The following PEBP4 variants were observed in gnomAD, a reference collection of about 807,000 sequenced individuals.
PEBP4 encodes the protein phosphatidylethanolamine binding protein 4, also known as phosphatidylethanolamine-binding protein 4.
PEBP4 carries 22 observed loss-of-function variants against 23.9 expected under a neutral mutation model. That is an observed-to-expected ratio of 0.92 (90% CI 0.66 to 1.31). The LOEUF (loss-of-function observed/expected upper bound fraction) is 1.31, where lower values mean the gene tolerates loss of function less well. Among genes scored for constraint, PEBP4 ranks in the 40% most tolerant of loss-of-function variants. PEBP4 has a pLI of 0.00. For missense variants in PEBP4, 324 were observed against 281.7 expected (o/e 1.15, Z -1.07); for synonymous variants, 112 against 99.3 (o/e 1.13, Z -0.76).
chr8:22,916,346 C>G (rs1368162934), intron 3 of PEBP4, among the ~76,000 whole-genome samples: 2 of 152,146 alleles, frequency 1.3e-5, no homozygotes, highest in Non-Finnish European at 2.9e-5. Flanking sequence ...TGTCAGAGCG[C>G]CAGGGGAGAA....
chr8:22,803,624 AC>A (rs1463432091), intron 4 of PEBP4, among the ~76,000 whole-genome samples: 1 of 152,156 alleles, frequency 6.6e-6, no homozygotes, highest in East Asian at 1.9e-4. Context: ...AGATGGCAAC[AC>A]TGCACTCTAG....
chr8:22,882,031 C>T (rs1039461836), intron 3 of PEBP4, among the ~76,000 whole-genome samples: 1 of 152,186 alleles, frequency 6.6e-6, no homozygotes, highest in African/African-American at 2.4e-5. Flanking sequence ...GTCAATGATA[C>T]CTGGGAGGCT....
chr8:22,852,639 A>C (rs546178652), intron 3 of PEBP4, among the ~76,000 whole-genome samples: 1 of 152,264 alleles, frequency 6.6e-6, no homozygotes, highest in East Asian at 1.9e-4. Context: ...AGAAAATATG[A>C]ATTATAGTTC....
chr8:22,922,503 T>C (rs1182243046), intron 2 of PEBP4, among the ~76,000 whole-genome samples: 1 of 113,174 alleles, frequency 8.8e-6, no homozygotes, highest in African/African-American at 2.9e-5. Flanking sequence ...GGTGGGAGCA[T>C]CACTTGAGCC....
intron 3 of PEBP4, among the ~76,000 whole-genome samples, chr8:22,900,000 G>A (rs149784924): frequency 3.9e-5 from 6 of 152,196 alleles, no homozygotes; most frequent in Non-Finnish European, 7.4e-5. Flanking sequence ...CCTGGCTTGC[G>A]GTTTGGGCTC....
At chr8:22,819,647 G>A (rs1806816571) in intron 3 of PEBP4, among the ~76,000 whole-genome samples, 1 of 152,142 alleles carries the variant, frequency 6.6e-6, no homozygotes, top group Non-Finnish European at 1.5e-5. Flanking sequence ...GTCTCTCTCT[G>A]TTGCCCAGGA....
At chr8:22,924,803 C>A in intron 2 of PEBP4, 1 of 985,258 alleles carries the variant, frequency 1.0e-6, no homozygotes, top group Non-Finnish European at 1.2e-6. Context: ...GGGTTGGGAC[C>A]GTCGGTGGTT....
At position 22,918,256 on chromosome 8, in the gene PEBP4, CTA is replaced by C. The variant is rs535033154; in HGVS notation, c.258+1926_258+1927del. ...ACTATAGTTCCATAGTAGTAGAATACTATGTTTTTCTTCTTCCCACAGCTTCG... is the reference window on the plus strand; with the variant it reads ...ACTATAGTTCCATAGTAGTAGAATACTGTTTTTCTTCTTCCCACAGCTTCG... On this transcript the variant is annotated intron_variant, in intron 3 of 6. Transcript: ENST00000256404. Among the ~76,000 whole-genome samples the C allele has an allele frequency of 8.9e-4, 135 of 152,302 alleles. 1 individual carries two copies. Among genetic ancestry groups the C allele is most frequent in the Admixed American group, 7.6e-3 (117 of 15,306 alleles).
chr8:22,881,835 T>C (rs1335482222), intron 3 of PEBP4, among the ~76,000 whole-genome samples: 3 of 152,176 alleles, frequency 2.0e-5, no homozygotes. Context: ...CGTGAGCAGG[T>C]GGGGACTATT....
At chr8:22,852,280 A>C (rs1230713994) in intron 3 of PEBP4, among the ~76,000 whole-genome samples, 2 of 152,224 alleles carry the variant, frequency 1.3e-5, no homozygotes, top group Admixed American at 6.5e-5. Flanking sequence ...CCTAGAGTAC[A>C]GAAGAACTGA....
chr8:22,758,751 C>T (rs541747439), intron 4 of PEBP4, among the ~76,000 whole-genome samples: 1 of 152,334 alleles, frequency 6.6e-6, no homozygotes, highest in Admixed American at 6.5e-5. Context: ...TTCTGTCCAA[C>T]AAGCATGAGA....
intron 3 of PEBP4, among the ~76,000 whole-genome samples, chr8:22,860,179 TACAC>T (rs1807741115): frequency 1.2e-5 from 1 of 84,594 alleles, no homozygotes; most frequent in African/African-American, 3.7e-5. Flanking sequence ...TATATATATA[TACAC>T]ATATATATGT....
chr8:22,898,431 ACC>A (rs1563253604), intron 3 of PEBP4, among the ~76,000 whole-genome samples: 8 of 123,840 alleles, frequency 6.5e-5, no homozygotes, highest in African/African-American at 1.9e-4. Flanking sequence ...AAAAAAAAAA[ACC>A]CACCCAGTCT....
chr8:22,917,123 G>A (rs1487859941), intron 3 of PEBP4, among the ~76,000 whole-genome samples: 7 of 136,294 alleles, frequency 5.1e-5, no homozygotes, highest in Non-Finnish European at 8.0e-5. Context: ...TGCTGGGGGC[G>A]GGGGAGGGGG....
intron 4 of PEBP4, among the ~76,000 whole-genome samples, chr8:22,804,273 G>C (rs1806448656): frequency 6.6e-6 from 1 of 152,146 alleles, no homozygotes; most frequent in Non-Finnish European, 1.5e-5. Context: ...GGAGGCTGCA[G>C]TGAGCTATGA....
chr8:22,749,555 C>T (rs748359546), intron 4 of PEBP4, among the ~76,000 whole-genome samples: 6 of 152,218 alleles, frequency 3.9e-5, no homozygotes, highest in Non-Finnish European at 8.8e-5. Flanking sequence ...AGATGGCCCT[C>T]GTTTGCTCAC....
intron 6 of PEBP4, among the ~76,000 whole-genome samples, chr8:22,713,754 C>T (rs1169515842): frequency 6.6e-6 from 1 of 152,236 alleles, no homozygotes; most frequent in Non-Finnish European, 1.5e-5. Flanking sequence ...GCCTGCTCCC[C>T]AGAGGGCAAT....
At chr8:22,914,484 C>T (rs185027837) in intron 3 of PEBP4, among the ~76,000 whole-genome samples, 1 of 152,220 alleles carries the variant, frequency 6.6e-6, no homozygotes, top group East Asian at 1.9e-4. Context: ...GTGTGAGTAG[C>T]CTACTCCATG....
intron 3 of PEBP4, among the ~76,000 whole-genome samples, chr8:22,822,614 A>G (rs1004031351): frequency 1.3e-5 from 2 of 152,272 alleles, no homozygotes; most frequent in South Asian, 2.1e-4. Flanking sequence ...CAAAAGTAAT[A>G]TTCAGTAAAC....
Sources: allele counts gnomAD v4.1 joint callset (sites outside exome capture counted in the v4.1 genomes callset), GRCh38; gene constraint gnomAD v4.1.1; transcripts MANE v1.5; gene names NCBI Gene and HGNC (gene_info 2026-07-23, HGNC 2026-07-21).